VWA3B: variants seen among roughly 807,000 people sequenced by gnomAD.
VWA3B encodes the protein von Willebrand factor A domain-containing protein 3B.
A neutral mutation model predicts 158.3 loss-of-function variants in VWA3B; 138 were observed. That is an observed-to-expected ratio of 0.87 (90% CI 0.76 to 1.00). The LOEUF is 1.00. Among genes scored for constraint, VWA3B ranks in the 50% least tolerant of loss-of-function variants. The pLI, the probability that VWA3B is intolerant of heterozygous loss-of-function variation, is 0.00. For missense variants in VWA3B, 1,555 were observed against 1,565.1 expected (o/e 0.99, Z 0.11); for synonymous variants, 596 against 587.3 (o/e 1.01, Z -0.21).
intron 2 of VWA3B, among the ~76,000 whole-genome samples, chr2:98,100,399 T>A (rs1682998906): frequency 6.6e-6 from 1 of 152,200 alleles, no homozygotes; most frequent in Non-Finnish European, 1.5e-5. Context: ...TGGGCTGGAT[T>A]CTTATGGCTG....
At chr2:98,141,060 T>G (rs1462283195) in intron 7 of VWA3B, among the ~76,000 whole-genome samples, 1 of 152,212 alleles carries the variant, frequency 6.6e-6, no homozygotes, top group Non-Finnish European at 1.5e-5. Context: ...ACAGTCCTCC[T>G]ACCCAACTTC....
chr2:98,312,802 CA>C lies in VWA3B; in HGVS notation c.*455del, dbSNP rs1277654000. 1 of 160,082 alleles carries C rather than the reference CA, an allele frequency of 6.2e-6. No homozygotes were observed. The highest frequency in any genetic ancestry group is 2.4e-5 in the African/African-American group (1 of 41,614). 9.9% of individuals were successfully genotyped at this position (160,082 alleles called of 1,614,324 possible). ...GACTCGGTAACTTGTCTGAGATCTG[CA>C]AGACTGAACATCCCCTACTGTATAG... On this transcript the variant is annotated 3_prime_UTR_variant, in exon 28 of 28. Transcript: ENST00000477737.
At chr2:98,263,502 T>A (rs1229692996) in intron 21 of VWA3B, among the ~76,000 whole-genome samples, 2 of 152,034 alleles carry the variant, frequency 1.3e-5, no homozygotes, top group African/African-American at 4.8e-5. Context: ...GAGATAATCA[T>A]GTGGGTTTTG....
At chr2:98,239,673 A>G (rs1187026115) in intron 19 of VWA3B, among the ~76,000 whole-genome samples, 2 of 151,990 alleles carry the variant, frequency 1.3e-5, no homozygotes, top group African/African-American at 4.8e-5. Flanking sequence ...CCAGCACTTC[A>G]GGAGGCCGAG....
chr2:98,163,103 G>A, intron 8 of VWA3B, 127 bp downstream of exon 8: 1 of 1,448,830 alleles, frequency 6.9e-7, no homozygotes, highest in South Asian at 1.3e-5. Flanking sequence ...GCTGAGGAGA[G>A]CAGCCAGAGC....
At chr2:98,268,009 G>A (rs62157891) in intron 21 of VWA3B, among the ~76,000 whole-genome samples, 5,640 of 149,728 alleles carry the variant, frequency 0.038, 155 homozygotes, top group Middle Eastern at 0.072. Flanking sequence ...GAATCTCTGA[G>A]TAGACCAATA....
chr2:98,273,223 C>G (rs943699960), intron 22 of VWA3B, among the ~76,000 whole-genome samples: 1 of 152,358 alleles, frequency 6.6e-6, no homozygotes, highest in Admixed American at 6.5e-5. Flanking sequence ...CCAAGTGATA[C>G]TGGTTTAGCC....
intron 8 of VWA3B, among the ~76,000 whole-genome samples, chr2:98,168,376 T>TACACACACACACACACACAC (rs148619678): frequency 6.9e-6 from 1 of 145,522 alleles, no homozygotes; most frequent in African/African-American, 2.6e-5. Flanking sequence ...TACACACACA[T>TACACACACACACACACACAC]ACACACACAC....
intron 21 of VWA3B, among the ~76,000 whole-genome samples, chr2:98,259,079 C>A (rs948493807): frequency 6.6e-6 from 1 of 151,654 alleles, no homozygotes; most frequent in African/African-American, 2.4e-5. Context: ...ATGTGATTTT[C>A]TTGGGTTGAA....
At chr2:98,202,653 A>C (rs899108892) in intron 12 of VWA3B, among the ~76,000 whole-genome samples, 2 of 152,000 alleles carry the variant, frequency 1.3e-5, no homozygotes, top group Admixed American at 1.3e-4. Flanking sequence ...TTTTATAACT[A>C]TTTTTGTTCA....
intron 7 of VWA3B, among the ~76,000 whole-genome samples, chr2:98,144,671 A>G (rs959912127): frequency 2.0e-5 from 3 of 151,244 alleles, no homozygotes; most frequent in African/African-American, 7.3e-5. Context: ...GGCTCAAGCT[A>G]TTCTCCTGCC....
intron 22 of VWA3B, among the ~76,000 whole-genome samples, chr2:98,273,194 A>G (rs1688311547): frequency 6.6e-6 from 1 of 152,222 alleles, no homozygotes; most frequent in Admixed American, 6.5e-5. Context: ...CAGGTTCATC[A>G]TCTTTGGTTC....
chr2:98,098,848 C>T (rs1682893322), intron 2 of VWA3B, among the ~76,000 whole-genome samples: 1 of 151,866 alleles, frequency 6.6e-6, no homozygotes, highest in Admixed American at 6.6e-5. Context: ...TAATTACTTG[C>T]TTTTTATTTT....
chr2:98,114,197 T>C (rs552603886), intron 2 of VWA3B, among the ~76,000 whole-genome samples: 1 of 152,338 alleles, frequency 6.6e-6, no homozygotes, highest in Admixed American at 6.5e-5. Flanking sequence ...ACATTTCAAT[T>C]CCCAATACAG....
intron 10 of VWA3B, among the ~76,000 whole-genome samples, chr2:98,192,536 GGT>G (rs1681682041): frequency 6.6e-6 from 1 of 152,136 alleles, no homozygotes; most frequent in South Asian, 2.1e-4. Flanking sequence ...CTTCTTTTGT[GGT>G]GGAATGTCAT....
intron 8 of VWA3B, among the ~76,000 whole-genome samples, chr2:98,177,388 C>A (rs1366242297): frequency 6.6e-6 from 1 of 152,024 alleles, no homozygotes; most frequent in African/African-American, 2.4e-5. Flanking sequence ...TAAATGAATT[C>A]TCTGTGGGTG....
At chr2:98,172,023 G>T (rs1679630403) in intron 8 of VWA3B, among the ~76,000 whole-genome samples, 1 of 152,228 alleles carries the variant, frequency 6.6e-6, no homozygotes, top group African/African-American at 2.4e-5. Flanking sequence ...AATGTTTACA[G>T]CTCCTGCAGC....
chr2:98,119,350 C>A (rs907408085), intron 3 of VWA3B, among the ~76,000 whole-genome samples, 163 bp from the exon 4 acceptor site: 1 of 150,166 alleles, frequency 6.7e-6, no homozygotes, highest in African/African-American at 2.5e-5. Flanking sequence ...AGAATCCAAG[C>A]GTTTTTCTGT....
chr2:98,169,429 G>T lies in VWA3B; in HGVS notation c.1114+6453G>T, dbSNP rs561852605. 2.9e-3 allele frequency among the ~76,000 whole-genome samples: 434 copies of T among 149,594 alleles called. 4 individuals are homozygous for T. Among genetic ancestry groups the T allele is most frequent in the Admixed American group, 5.5e-3 (82 of 15,020 alleles). On this transcript the variant is annotated intron_variant, in intron 8 of 27. Coordinates refer to ENST00000477737, the MANE Select transcript of VWA3B (RefSeq NM_144992.5). ...ACAAGCTGACAAAGGAAATAAAATGGAATTAAAAATACCCAATCCAAAACC... is the reference window on the plus strand; with the variant it reads ...ACAAGCTGACAAAGGAAATAAAATGTAATTAAAAATACCCAATCCAAAACC...
Sources: gnomAD v4.1 joint callset for allele counts (sites outside exome capture counted in the v4.1 genomes callset) on GRCh38, gnomAD v4.1.1 for gene constraint, MANE v1.5 for transcripts, NCBI Gene and HGNC (gene_info 2026-07-23, HGNC 2026-07-21) for gene names.